PLXNB3: variants seen among roughly 807,000 people sequenced by gnomAD.
The protein encoded by PLXNB3 is plexin B3.
Under a neutral mutation model 125.7 loss-of-function variants are expected in PLXNB3, and 80 were observed. The observed-to-expected ratio is 0.64, with a 90% CI of 0.53 to 0.77. PLXNB3 has a LOEUF of 0.77. PLXNB3 is among the 30% of genes least tolerant of loss of function. The pLI, the probability that PLXNB3 is intolerant of heterozygous loss-of-function variation, is 0.00. For missense variants in PLXNB3, 1,836 were observed against 1,729.3 expected (o/e 1.06, Z -1.09); for synonymous variants, 954 against 783.3 (o/e 1.22, Z -3.64).
rs189684685 is a variant in PLXNB3 at position 153,773,339 on chromosome X, G to A, written c.3016G>A (p.Ala1006Thr). 1.6e-5 allele frequency: 19 copies of A among 1,207,708 alleles called. No individual in the cohort carries two copies. The highest frequency in any genetic ancestry group is 3.5e-5 in the South Asian group (2 of 56,488). The change falls in exon 18 of 36, where the codon GCC becomes ACC. Residue 1006 changes from alanine to threonine, a missense_variant. Physicochemically the swap from Ala to Thr is moderately conservative, Grantham distance 58. Transcript: ENST00000361971. ...VFGHAQRTLL[A>T]SPFRYTANPQ... ...TGGCCATGCCCAGCGCACACTGCTC[G>A]CCAGCCCCTTCCGCTACACCGCCAA... is the stretch of plus-strand genomic sequence containing the variant.
chrX:153,766,750 T>C, intron 2 of PLXNB3, 123 bp from the exon 3 acceptor site: 3 of 1,073,528 alleles, frequency 2.8e-6, no homozygotes, highest in Non-Finnish European at 3.6e-6. Context: ...TCATTCTCCA[T>C]CTCTCTGCCT....
intron 20 of PLXNB3, 40 bp from the exon 21 acceptor site, chrX:153,774,146 C>G (rs1557063050): frequency 1.7e-6 from 2 of 1,201,665 alleles, no homozygotes; most frequent in Admixed American, 2.2e-5. Context: ...CAGGCCGCCT[C>G]TGTGGGGGCC....
chrX:153,777,693 C>A lies in PLXNB3; in HGVS notation c.5261+5C>A, dbSNP rs781823525. ...GCACATCTGGAAGACCAACAGGTGCCTTTCCTGCTGCCCCACCCCTGCTGT... is the reference window on the plus strand; with the variant it reads ...GCACATCTGGAAGACCAACAGGTGCATTTCCTGCTGCCCCACCCCTGCTGT... On this transcript the variant is annotated splice_donor_5th_base_variant and intron_variant, in intron 31 of 35. Transcript: ENST00000361971. 1 of 1,208,683 alleles carries A rather than the reference C, an allele frequency of 8.3e-7. No individual in the cohort carries two copies. Among genetic ancestry groups the A allele is most frequent in the Admixed American group, 2.2e-5 (1 of 46,068 alleles).
At chrX:153,773,768 T>G (rs2091958017) in intron 19 of PLXNB3, 55 bp downstream of exon 19, 13 of 1,186,301 alleles carry the variant, frequency 1.1e-5, no homozygotes, top group Non-Finnish European at 1.5e-5. Flanking sequence ...CCATGCCCAG[T>G]GGGGAGGAGG....
chrX:153,770,081 C>A lies in PLXNB3; in HGVS notation c.1630-11C>A. On this transcript the variant is annotated splice_polypyrimidine_tract_variant and intron_variant, in intron 7 of 35. Coordinates refer to ENST00000361971, the MANE Select transcript of PLXNB3 (RefSeq NM_005393.3). ...GGCTACATCTCCCGGTTTCTCCCCG[C>A]TGCATCCCAGGTCACTTTGTCTGTC... The A allele has an allele frequency of 1.7e-6, 2 of 1,209,787 alleles. No individual in the cohort carries two copies. Among genetic ancestry groups the A allele is most frequent in the African/African-American group, 3.4e-5 (2 of 58,000 alleles).
Position 153,767,769 on chromosome X carries a change from C to G in PLXNB3, c.942C>G (p.Leu314=), listed in dbSNP as rs782771663. 2.2e-5 allele frequency: 26 copies of G among 1,172,469 alleles called. No homozygotes were observed. Among genetic ancestry groups the G allele is most frequent in the Non-Finnish European group, 2.7e-5 (24 of 875,825 alleles). ...GCCCAAGGGGCACCCAGGCGGCGCTCTGTGCCTTCCCCATGGTGGAGCTGG... is the reference window on the plus strand; with the variant it reads ...GCCCAAGGGGCACCCAGGCGGCGCTGTGTGCCTTCCCCATGGTGGAGCTGG... The part of the protein sequence containing the change: ...AAGPRGTQAA[L]CAFPMVELGA... The change falls in exon 3 of 36, where the codon CTC becomes CTG. Residue 314 remains leucine, a synonymous_variant. Transcript: ENST00000361971.
intron 14 of PLXNB3, 94 bp downstream of exon 14, chrX:153,771,749 C>A: frequency 6.3e-6 from 7 of 1,119,863 alleles, no homozygotes; most frequent in South Asian, 2.1e-5. Context: ...CTGCCCCAGG[C>A]CCCCAAACCC....
In PLXNB3 at chrX:153,771,350, T is replaced by C; in HGVS notation, c.2294T>C (p.Ile765Thr). Residue 765 changes from isoleucine to threonine, a missense_variant, in exon 13 of 36, where the codon ATC (isoleucine) becomes ACC (threonine). Coordinates refer to ENST00000361971, the MANE Select transcript of PLXNB3 (RefSeq NM_005393.3). The stretch of plus-strand genomic sequence containing the variant: ...TCCCAGCGGGAGCTCCCAGTGCCCA[T>C]CTACGTCACCCAGGGTGAAGCCCAG... ...SMSQRELPVP[I>T]YVTQGEAQRL... The C allele has an allele frequency of 8.3e-7, 1 of 1,210,673 alleles. No individual in the cohort carries two copies. Among genetic ancestry groups the C allele is most frequent in the Non-Finnish European group, 1.1e-6 (1 of 894,712 alleles).
In PLXNB3 at chrX:153,774,224, G is replaced by C; in HGVS notation, c.3558G>C (p.Val1186=). The change falls in exon 21 of 36, where the codon GTG becomes GTC. Residue 1186 remains valine (V), a synonymous_variant. Coordinates refer to ENST00000361971, the MANE Select transcript of PLXNB3 (RefSeq NM_005393.3). ...ACCTGGGCATCAGCAAGGAGGAGGT[G>C]CGCGTGCACATCGGCCGCGGCGAGT... is the stretch of plus-strand genomic sequence containing the variant. ...GLNLGISKEE[V]RVHIGRGECL... is the part of the protein sequence containing the mutation. The C allele has an allele frequency of 8.3e-7, 1 of 1,202,030 alleles. No individual in the cohort carries two copies. The highest frequency in any genetic ancestry group is 1.1e-6 in the Non-Finnish European group (1 of 894,295).
At chrX:153,773,146 G>C in intron 17 of PLXNB3, 84 bp from the exon 18 acceptor site, 1 of 1,093,290 alleles carries the variant, frequency 9.1e-7, no homozygotes, top group Non-Finnish European at 1.2e-6. Flanking sequence ...AGGCAAAGCA[G>C]GGCTTCTCCT....
rs1557063746 is a variant in PLXNB3 at position 153,775,455 on chromosome X, GC to G, written c.4334+57del. 2.6e-6 allele frequency: 3 copies of G among 1,169,249 alleles called. No individual in the cohort carries two copies. In the African/African-American group the frequency reaches 5.3e-5, roughly 21 times the overall value. On this transcript the variant is annotated intron_variant, in intron 25 of 35. Transcript: ENST00000361971. ...GGGGGTGAGGGCTTGCCACAGACCT[GC>G]CCCCATCGCACCCTGGGCGGGCTCT...
chrX:153,768,535 G>A (rs2091885687), intron 4 of PLXNB3, 107 bp downstream of exon 4: 3 of 763,696 alleles, frequency 3.9e-6, no homozygotes, highest in Non-Finnish European at 1.9e-6. Context: ...GGTTGGGTCA[G>A]GGGACTTTGC....
At position 153,776,392 on chromosome X, in the gene PLXNB3, C is replaced by T. The variant is rs1557064241; in HGVS notation, c.4766C>T (p.Ser1589Leu). ...RSGLAGHLTL[S>L]DEDLTSVTQN... ...GGCCTGGCTGGTCACCTGACCCTAT[C>T]GGACGAAGACTTGACCTCCGTGACC... Residue 1589 changes from serine (S) to leucine (L), a missense_variant, in exon 28 of 36, where the codon TCG (serine) becomes TTG (leucine). By Grantham distance (145) the Ser-to-Leu change is moderately radical (BLOSUM62 -2). Transcript: ENST00000361971. 6.7e-6 allele frequency: 8 copies of T among 1,188,287 alleles called. No homozygotes were observed. The highest frequency in any genetic ancestry group is 4.6e-5 in the Admixed American group (2 of 43,870).
intron 2 of PLXNB3, chrX:153,766,339 C>A: frequency 8.8e-7 from 1 of 1,141,623 alleles, no homozygotes. Context: ...GTTTTCTCTC[C>A]CTGTCTGGTC....
rs149638303 is a variant in PLXNB3, at chrX:153,770,594, C to T, written c.1962C>T (p.Tyr654=). Residue 654 remains tyrosine (Y), a synonymous_variant, in exon 10 of 36, where the codon TAC becomes TAT. Transcript: ENST00000361971. ...GCCCGCAGAGTAGCCACTGCGTGTA[C>T]GGAGAGCACTGCCCAGAGGGCGAGA... ...HWCPQSSHCV[Y]GEHCPEGERT... 201 of 1,210,638 alleles carry T rather than the reference C, an allele frequency of 1.7e-4. 1 individual carries two copies. Among genetic ancestry groups the T allele is most frequent in the Admixed American group, 1.0e-3 (48 of 46,071 alleles).
In PLXNB3 at chrX:153,767,929, T is replaced by C; in HGVS notation, c.1086+16T>C. 1 of 1,083,590 alleles carries C rather than the reference T, an allele frequency of 9.2e-7. No homozygotes were observed. The highest frequency in any genetic ancestry group is 3.4e-5 in the East Asian group (1 of 29,567). The allele number at this position is 1,083,590 out of a possible 1,213,427, so 89.3% of individuals were successfully genotyped here. ...CCTGCCCCTTGTGAGTGGCATGCCC[T>C]TCCATCCCCCCTCTCTGTGGATGGC... On this transcript the variant is annotated intron_variant, in intron 3 of 35. Transcript: ENST00000361971.
rs1478930959 is a variant in PLXNB3 at position 153,779,254 on chromosome X, C to T, written c.*215C>T. ...AGATTGTTTCTAATTTATAAGGATCCCCCTCCTTCCCCCTCTCCCCATTGT... is the reference window on the plus strand; with the variant it reads ...AGATTGTTTCTAATTTATAAGGATCTCCCTCCTTCCCCCTCTCCCCATTGT... On this transcript the variant is annotated 3_prime_UTR_variant, in exon 36 of 36. Transcript: ENST00000361971. The T allele has an allele frequency of 6.9e-6, 2 of 289,748 alleles. No individual in the cohort carries two copies. The highest frequency in any genetic ancestry group is 5.9e-5 in the African/African-American group (2 of 33,723). 23.9% of individuals were successfully genotyped at this position (289,748 alleles called of 1,213,427 possible).
At position 153,775,243 on chromosome X, in the gene PLXNB3, G is replaced by C. The variant is rs557107879; in HGVS notation, c.4174G>C (p.Glu1392Gln). 4.2e-6 allele frequency: 5 copies of C among 1,189,726 alleles called. No individual in the cohort carries two copies. Among genetic ancestry groups the C allele is most frequent in the African/African-American group, 3.5e-5 (2 of 57,479 alleles). Residue 1392 changes from glutamate (E) to glutamine (Q), a missense_variant, in exon 25 of 36, where the codon GAG (glutamate) becomes CAG (glutamine). Physicochemically the swap from Glu to Gln is conservative, Grantham distance 29. Transcript: ENST00000361971. ...FLLTLIHTLEEQPSFSQRDRC... is the reference protein window; with the variant it reads ...FLLTLIHTLEQQPSFSQRDRC... Reference sequence around the variant, plus strand: ...TGCTCAGCTCATCCACACCCTGGAGGAGCAGCCCAGCTTTTCCCAGAGGGA... The same window carrying C: ...TGCTCAGCTCATCCACACCCTGGAGCAGCAGCCCAGCTTTTCCCAGAGGGA...
In PLXNB3 at chrX:153,771,959, G is replaced by GAGCGTGGCC. The variant is rs1457603033; in HGVS notation, c.2617_2625dup (p.Val873_Ser875dup). On this transcript the variant is annotated inframe_insertion, in exon 15 of 36. Coordinates refer to ENST00000361971, the MANE Select transcript of PLXNB3 (RefSeq NM_005393.3). The stretch of plus-strand genomic sequence containing the variant: ...CCTTCGCCGATGTGCAGTACGCCGT[G>GAGCGTGGCC]AGCGTGGCCAGCCGGCCCTGCAACC... 1 of 1,207,588 alleles carries GAGCGTGGCC rather than the reference G, an allele frequency of 8.3e-7. No individual in the cohort carries two copies. The highest frequency in any genetic ancestry group is 1.1e-6 in the Non-Finnish European group (1 of 894,369).
Sources: gnomAD v4.1 joint callset for allele counts on GRCh38, gnomAD v4.1.1 for gene constraint, MANE v1.5 for transcripts, NCBI Gene and HGNC (gene_info 2026-07-23, HGNC 2026-07-21) for gene names.